Variants in SHF observed in about 807,000 individuals in gnomAD.
The protein encoded by SHF is SH2 domain-containing adapter protein F.
In SHF, 30 loss-of-function variants were observed where a neutral mutation model predicts 42.4. The observed-to-expected ratio is 0.71, with a 90% CI of 0.53 to 0.96. SHF has a LOEUF of 0.96. Ranked by LOEUF, SHF falls within the 40% of genes least tolerant of loss-of-function variation. The pLI is 0.00. For missense variants in SHF, 598 were observed against 634.0 expected (o/e 0.94, Z 0.61); for synonymous variants, 264 against 269.9 (o/e 0.98, Z 0.21).
chr15:45,198,722 C>A, intron 2 of SHF: 2 of 1,565,338 alleles, frequency 1.3e-6, no homozygotes, highest in South Asian at 1.2e-5. Flanking sequence ...TTATCCTCTT[C>A]AACAGTCATA....
intron 4 of SHF, among the ~76,000 whole-genome samples, chr15:45,172,835 C>T (rs1268063861): frequency 6.6e-6 from 1 of 151,784 alleles, no homozygotes; most frequent in African/African-American, 2.4e-5. Context: ...TGTCCCTCCC[C>T]GACCCCCAAC....
intron 2 of SHF, among the ~76,000 whole-genome samples, chr15:45,176,931 C>T (rs1048407154): frequency 5.3e-5 from 8 of 152,276 alleles, no homozygotes; most frequent in South Asian, 2.1e-4. Context: ...TCTTCAAATC[C>T]CATCTGTTCT....
At chr15:45,183,331 AC>A (rs869031604) in intron 1 of SHF, among the ~76,000 whole-genome samples, 1 of 108,208 alleles carries the variant, frequency 9.2e-6, no homozygotes, top group African/African-American at 3.8e-5. Flanking sequence ...TTGGTCTAAC[AC>A]ATGTCAGCTG....
At chr15:45,198,372 G>T (rs1406742237) in intron 2 of SHF, 3 of 165,208 alleles carry the variant, frequency 1.8e-5, no homozygotes, top group Non-Finnish European at 3.9e-5. Context: ...TGTTTTGCTG[G>T]TGTGGAATTA....
intron 1 of SHF, among the ~76,000 whole-genome samples, chr15:45,183,964 C>T (rs141443959): frequency 9.1e-4 from 138 of 152,316 alleles, no homozygotes; most frequent in African/African-American, 2.9e-3. Context: ...TGGACTCCTA[C>T]CTTCTCCTCC....
At chr15:45,176,449 C>A (rs1363251291) in intron 2 of SHF, among the ~76,000 whole-genome samples, 1 of 151,634 alleles carries the variant, frequency 6.6e-6, no homozygotes, top group Non-Finnish European at 1.5e-5. Flanking sequence ...AAGGCAGTGA[C>A]CATCCTCCCC....
rs895685649 is a variant in SHF, at chr15:45,175,827, T to C, written c.641-402A>G. On this transcript the variant is annotated intron_variant, in intron 2 of 6. Coordinates refer to ENST00000690270, the MANE Select transcript of SHF (RefSeq NM_001394037.1). ...TTTTTTCTTTTTCTTTTCTTTTTTT[T>C]TTTTTTTTTGAGACGGAATCTTGCT... is the stretch of plus-strand genomic sequence containing the variant. Among the ~76,000 whole-genome samples the C allele has an allele frequency of 2.7e-3, 402 of 149,628 alleles. 2 individuals are homozygous for C. The highest frequency in any genetic ancestry group is 9.3e-3 in the African/African-American group (380 of 40,868).
In SHF at chr15:45,167,288, TCCC is replaced by T. The variant is rs961431129; in HGVS notation, c.*656_*658del. Reference sequence around the variant, plus strand: ...AATCTGCGCTCGCTTCTCCGCTCCCTCCCCCGTCAGCCCGGGGACGGCGCCGGA... The same window carrying T: ...AATCTGCGCTCGCTTCTCCGCTCCCTCCGTCAGCCCGGGGACGGCGCCGGA... On this transcript the variant is annotated 3_prime_UTR_variant, in exon 7 of 7. Coordinates refer to ENST00000690270, the MANE Select transcript of SHF (RefSeq NM_001394037.1). 3 of 152,166 alleles carry T rather than the reference TCCC, an allele frequency of 2.0e-5. No individual in the cohort carries two copies. The highest frequency in any genetic ancestry group is 4.4e-5 in the Non-Finnish European group (3 of 68,088). The allele number at this position is 152,166 out of a possible 1,614,324, so 9.4% of individuals were successfully genotyped here. A position where few individuals can be genotyped will look rare whatever the true frequency, so the allele number is the denominator to read the frequency against.
At chr15:45,187,971 G>T (rs1400907425), upstream of SHF, 14 of 1,160,468 alleles carry the variant, frequency 1.2e-5, no homozygotes, top group Admixed American at 4.7e-5. Context: ...CAGACTGAGC[G>T]AGGGGAGCGC....
At chr15:45,192,148 T>C (rs1898724195), upstream of SHF, among the ~76,000 whole-genome samples, 1 of 152,062 alleles carries the variant, frequency 6.6e-6, no homozygotes, top group Non-Finnish European at 1.5e-5. Context: ...AAGATCATTA[T>C]CACATTTAGG....
rs560643822 is a variant in SHF, at chr15:45,172,010, T to C, written c.1161-8A>G. 2.5e-6 allele frequency: 4 copies of C among 1,613,688 alleles called. No homozygotes were observed. The highest frequency in any genetic ancestry group is 2.7e-5 in the African/African-American group (2 of 74,856). On this transcript the variant is annotated splice_region_variant and splice_polypyrimidine_tract_variant and intron_variant, in intron 5 of 6. Transcript: ENST00000690270. Reference sequence around the variant, plus strand: ...ATGGCCCCGTGATACCAGCTAAGGATGAGAGAGAGGAAGGGGGGCATCTCT... The same window carrying C: ...ATGGCCCCGTGATACCAGCTAAGGACGAGAGAGAGGAAGGGGGGCATCTCT...
At chr15:45,196,844 A>T (rs1898880664) in intron 2 of SHF, among the ~76,000 whole-genome samples, 1 of 150,480 alleles carries the variant, frequency 6.6e-6, no homozygotes, top group East Asian at 2.0e-4. Flanking sequence ...GCTTGCAGTG[A>T]GCCAAGATTG....
chr15:45,198,998 G>C (rs972651337), exon 2 of SHF: 29 of 1,611,232 alleles, frequency 1.8e-5, no homozygotes, highest in Non-Finnish European at 2.4e-5. Flanking sequence ...CCTATGCCCC[G>C]GAGACCCTTG....
chr15:45,177,602 A>G (rs1897883567), intron 2 of SHF, among the ~76,000 whole-genome samples: 2 of 152,096 alleles, frequency 1.3e-5, no homozygotes, highest in African/African-American at 2.4e-5. Flanking sequence ...TTGCTCCTGA[A>G]CAAACTTCCT....
At chr15:45,199,668 G>C (rs1899001498) in intron 1 of SHF, among the ~76,000 whole-genome samples, 1 of 152,184 alleles carries the variant, frequency 6.6e-6, no homozygotes, top group African/African-American at 2.4e-5. Context: ...TCCTCGAGAA[G>C]CGCCTACTAC....
At chr15:45,187,971 G>C (rs1400907425), upstream of SHF, 2 of 1,160,468 alleles carry the variant, frequency 1.7e-6, no homozygotes, top group Admixed American at 4.7e-5. Context: ...CAGACTGAGC[G>C]AGGGGAGCGC....
At chr15:45,184,303 A>T (rs972854402) in intron 1 of SHF, among the ~76,000 whole-genome samples, 1 of 152,142 alleles carries the variant, frequency 6.6e-6, no homozygotes, top group Admixed American at 6.5e-5. Flanking sequence ...ACTCCTTTCC[A>T]AATCTGTGCC....
In SHF at chr15:45,178,904, C is replaced by T. The variant is rs142835245; in HGVS notation, c.499-598G>A. ...CCTAGGCTAAATGGCCAGGAGGAGG[C>T]TACTGGGCCATAGGGCCTGCCTCAA... On this transcript the variant is annotated intron_variant, in intron 1 of 6. Coordinates refer to ENST00000690270, the MANE Select transcript of SHF (RefSeq NM_001394037.1). 4.4e-4 allele frequency among the ~76,000 whole-genome samples: 67 copies of T among 152,330 alleles called. No individual in the cohort carries two copies. In the South Asian group the frequency reaches 6.8e-3, roughly 16 times the overall value.
chr15:45,195,354 C>G (rs1898833143), intron 2 of SHF, among the ~76,000 whole-genome samples: 1 of 152,206 alleles, frequency 6.6e-6, no homozygotes, highest in African/African-American at 2.4e-5. Context: ...TCTTGCTACA[C>G]ACTGCCCAGT....
Sources: allele counts gnomAD v4.1 joint callset (sites outside exome capture counted in the v4.1 genomes callset), GRCh38; gene constraint gnomAD v4.1.1; transcripts MANE v1.5; gene names NCBI Gene and HGNC (gene_info 2026-07-23, HGNC 2026-07-21).